SMNDC1: variants seen among roughly 807,000 people sequenced by gnomAD.
SMNDC1 encodes the protein survival of motor neuron-related-splicing factor 30.
SMNDC1 carries 5 observed loss-of-function variants against 29.2 expected under a neutral mutation model. The ratio of observed to expected loss-of-function variants is 0.17; its 90% CI spans 0.09 to 0.36. The LOEUF is 0.36. Among genes scored for constraint, SMNDC1 ranks in the 10% least tolerant of loss-of-function variants. The probability of loss-of-function intolerance (pLI) is 1.00; values close to 1 mark genes in which losing one functional copy is unlikely to be tolerated. For synonymous variants in SMNDC1, 80 were observed against 89.9 expected (o/e 0.89, Z 0.62); for missense variants, 142 against 268.5 (o/e 0.53, Z 3.29).
At chr10:110,302,009 T>G (rs1225191211) in intron 2 of SMNDC1, among the ~76,000 whole-genome samples, 3 of 152,216 alleles carry the variant, frequency 2.0e-5, no homozygotes, top group Non-Finnish European at 4.4e-5. Context: ...CTCCTCCCAC[T>G]GCCCAAGAAG....
intron 4 of SMNDC1, among the ~76,000 whole-genome samples, chr10:110,296,105 G>A (rs1225516434): frequency 6.6e-6 from 1 of 152,180 alleles, no homozygotes; most frequent in Non-Finnish European, 1.5e-5. Flanking sequence ...ATTCGATGCA[G>A]ATAAAATATT....
At chr10:110,298,471 T>C (rs1194790741) in intron 3 of SMNDC1, among the ~76,000 whole-genome samples, 177 bp downstream of exon 3, 1 of 152,192 alleles carries the variant, frequency 6.6e-6, no homozygotes, top group Non-Finnish European at 1.5e-5. Flanking sequence ...AAACTTAATC[T>C]AAAGCTAAAA....
chr10:110,296,897 T>G (rs538314804), intron 4 of SMNDC1, among the ~76,000 whole-genome samples: 2 of 152,218 alleles, frequency 1.3e-5, no homozygotes, highest in Non-Finnish European at 2.9e-5. Context: ...TGTAAAGAAC[T>G]GTTACAAGCT....
chr10:110,290,771 T>C lies in SMNDC1; in HGVS notation c.*3379A>G, dbSNP rs1262111514. 3.9e-5 allele frequency: 6 copies of C among 152,210 alleles called. No homozygotes were observed. Among genetic ancestry groups the C allele is most frequent in the African/African-American group, 1.2e-4 (5 of 41,460 alleles). The allele number at this position is 152,210 out of a possible 1,614,324, so 9.4% of individuals were successfully genotyped here. On this transcript the variant is annotated 3_prime_UTR_variant, in exon 6 of 6. Transcript: ENST00000369603. The stretch of plus-strand genomic sequence containing the variant: ...ACCTCATTGGTTTTAATAGATTTTC[T>C]TCCTTTATATTTCAGTTACTACCCA...
chr10:110,298,403 AC>A (rs1362458312), intron 3 of SMNDC1, among the ~76,000 whole-genome samples: 2 of 152,204 alleles, frequency 1.3e-5, no homozygotes, highest in Non-Finnish European at 2.9e-5. Context: ...ATTTTAGAAA[AC>A]ACCCATTCAT....
At chr10:110,298,560 A>T (rs1857600363) in intron 3 of SMNDC1, 88 bp downstream of exon 3, 1 of 1,100,884 alleles carries the variant, frequency 9.1e-7, no homozygotes, top group Non-Finnish European at 1.3e-6. Flanking sequence ...TCAAGATTAA[A>T]ATAGGGTAGT....
chr10:110,292,883 A>T lies in SMNDC1; in HGVS notation c.*1267T>A, dbSNP rs1311334516. On this transcript the variant is annotated 3_prime_UTR_variant, in exon 6 of 6. Coordinates refer to ENST00000369603, the MANE Select transcript of SMNDC1 (RefSeq NM_005871.4). ...AAACACAGGCCTGGTTTGCCCTTTA[A>T]GATCCAATTTCTTCTAATGGAAGGA... 1 of 152,186 alleles carries T rather than the reference A, an allele frequency of 6.6e-6. No homozygotes were observed. The highest frequency in any genetic ancestry group is 2.4e-5 in the African/African-American group (1 of 41,442). The allele number at this position is 152,186 out of a possible 1,614,324, so 9.4% of individuals were successfully genotyped here.
intron 5 of SMNDC1, 40 bp downstream of exon 5, chr10:110,295,188 G>A (rs767987129): frequency 1.3e-6 from 2 of 1,524,852 alleles, no homozygotes; most frequent in African/African-American, 2.8e-5. Context: ...AATGACAGTT[G>A]CATTTCTCAA....
At chr10:110,304,438 C>A (rs1409793570) in intron 1 of SMNDC1, 1 of 152,406 alleles carries the variant, frequency 6.6e-6, no homozygotes, top group East Asian at 1.9e-4. Context: ...GAAATCCACA[C>A]GCCAGCTCCA....
Position 110,291,483 on chromosome 10 carries a change from T to C in SMNDC1, c.*2667A>G, listed in dbSNP as rs951943036. The C allele has an allele frequency of 5.9e-5, 9 of 152,226 alleles. No individual in the cohort carries two copies. Among genetic ancestry groups the C allele is most frequent in the African/African-American group, 1.7e-4 (7 of 41,456 alleles). 9.4% of individuals were successfully genotyped at this position (152,226 alleles called of 1,614,324 possible). On this transcript the variant is annotated 3_prime_UTR_variant, in exon 6 of 6. Coordinates refer to ENST00000369603, the MANE Select transcript of SMNDC1 (RefSeq NM_005871.4). ...GTATTGTTATCCATTGTAATGTGGA[T>C]TGCTATTCAAGTTAAGGAAAAAATA...
At position 110,290,939 on chromosome 10, in the gene SMNDC1, T is replaced by G. The variant is rs1857492568; in HGVS notation, c.*3211A>C. 1 of 152,208 alleles carries G rather than the reference T, an allele frequency of 6.6e-6. No individual in the cohort carries two copies. The allele number at this position is 152,208 out of a possible 1,614,324, so 9.4% of individuals were successfully genotyped here. A position where few individuals can be genotyped will look rare whatever the true frequency, so the allele number is the denominator to read the frequency against. On this transcript the variant is annotated 3_prime_UTR_variant, in exon 6 of 6. Transcript: ENST00000369603. ...CACACAACTACAGTTTTCCTTTATG[T>G]TAACCTGATGGTCTCCTTTGCTATT...
chr10:110,299,826 T>C (rs1302331569), intron 2 of SMNDC1, among the ~76,000 whole-genome samples: 2 of 152,226 alleles, frequency 1.3e-5, no homozygotes, highest in East Asian at 3.8e-4. Context: ...CTAAAGATTC[T>C]AAATCTTCCT....
chr10:110,298,547 A>G lies in SMNDC1; in HGVS notation c.263+101T>C, dbSNP rs558398143. On this transcript the variant is annotated intron_variant, in intron 3 of 5. Coordinates refer to ENST00000369603, the MANE Select transcript of SMNDC1 (RefSeq NM_005871.4). Reference sequence around the variant, plus strand: ...CTCTATAAATCATACTGCCTAATAGAAGTCAAGATTAAAATAGGGTAGTTA... The same window carrying G: ...CTCTATAAATCATACTGCCTAATAGGAGTCAAGATTAAAATAGGGTAGTTA... 8 of 939,936 alleles carry G rather than the reference A, an allele frequency of 8.5e-6. No individual in the cohort carries two copies. In the African/African-American group the frequency reaches 1.2e-4, roughly 14 times the overall value. The allele number at this position is 939,936 out of a possible 1,614,324, so 58.2% of individuals were successfully genotyped here.
rs2233932 is a variant in SMNDC1 at position 110,303,441 on chromosome 10, A to G, written c.120+27T>C. On this transcript the variant is annotated intron_variant, in intron 2 of 5. Coordinates refer to ENST00000369603, the MANE Select transcript of SMNDC1 (RefSeq NM_005871.4). ...AAGCAATAATTTGAAAAACAGAGAA[A>G]AAGTACAATTGTCTACCCATACTTA... 5,589 of 1,537,670 alleles carry G rather than the reference A, an allele frequency of 3.6e-3. 92 individuals carry two copies. In the East Asian group the frequency reaches 0.041, roughly 11 times the overall value.
intron 2 of SMNDC1, chr10:110,300,457 C>G (rs1365694818): frequency 1.6e-6 from 1 of 606,206 alleles, no homozygotes; most frequent in African/African-American, 2.0e-5. Context: ...CTATGAAGAA[C>G]CTTCTAAATT....
Position 110,297,703 on chromosome 10 carries a change from T to C in SMNDC1, c.289A>G (p.Ile97Val). Residue 97 changes from isoleucine to valine, a missense_variant, in exon 4 of 6, where the codon ATA becomes GTA. Ile to Val is a conservative substitution (Grantham distance 29, BLOSUM62 3). Around this residue, in one of 4 missense-constraint regions of SMNDC1, gnomAD observed 65 missense variants for 75.9 expected, o/e 0.86. Transcript: ENST00000369603. ...GCAGCGGTGCCATTTTCTTCATCTA[T>C]CTCCTCAATCTCCGCTTCATAACAC... The part of the protein sequence containing the change: ...GQCYEAEIEE[I>V]DEENGTAAIT... 1.2e-6 allele frequency: 2 copies of C among 1,613,838 alleles called. No individual in the cohort carries two copies. The highest frequency in any genetic ancestry group is 4.5e-5 in the East Asian group (2 of 44,882).
At chr10:110,303,440 A>C (rs1857688450) in intron 2 of SMNDC1, 28 bp downstream of exon 2, 1 of 1,539,558 alleles carries the variant, frequency 6.5e-7, no homozygotes, top group Non-Finnish European at 8.7e-7. Flanking sequence ...AAAACAGAGA[A>C]AAAGTACAAT....
In SMNDC1 at chr10:110,293,909, C is replaced by A; in HGVS notation, c.*241G>T. On this transcript the variant is annotated 3_prime_UTR_variant, in exon 6 of 6. Coordinates refer to ENST00000369603, the MANE Select transcript of SMNDC1 (RefSeq NM_005871.4). Reference sequence around the variant, plus strand: ...TTCATCTAAGTGCTGTATGAAACAGCATCTACAAAAGTTGCTTTATTCAAC... The same window carrying A: ...TTCATCTAAGTGCTGTATGAAACAGAATCTACAAAAGTTGCTTTATTCAAC... The A allele has an allele frequency of 3.1e-6, 1 of 319,206 alleles. No individual in the cohort carries two copies. Among genetic ancestry groups the A allele is most frequent in the Admixed American group, 4.6e-5 (1 of 21,926 alleles). The allele number at this position is 319,206 out of a possible 1,614,324, so 19.8% of individuals were successfully genotyped here. A position where few individuals can be genotyped will look rare whatever the true frequency, so the allele number is the denominator to read the frequency against.
At chr10:110,299,667 C>A (rs1031713288) in intron 2 of SMNDC1, among the ~76,000 whole-genome samples, 2 of 152,194 alleles carry the variant, frequency 1.3e-5, no homozygotes, top group Admixed American at 6.5e-5. Flanking sequence ...GCTGTTCACC[C>A]ATTGTTGCAT....
Sources: allele counts gnomAD v4.1 joint callset (sites outside exome capture counted in the v4.1 genomes callset), GRCh38; gene constraint gnomAD v4.1.1; regional missense constraint gnomAD v4.1.1; transcripts MANE v1.5; gene names NCBI Gene and HGNC (gene_info 2026-07-23, HGNC 2026-07-21).